Variants in KCNT1 observed in about 807,000 individuals in gnomAD.
KCNT1 encodes the protein potassium channel subfamily T member 1.
A neutral mutation model predicts 147.8 loss-of-function variants in KCNT1; 78 were observed. The observed-to-expected ratio is 0.53, with a 90% confidence interval of 0.44 to 0.64. The LOEUF is 0.64. Among genes scored for constraint, KCNT1 ranks in the 30% least tolerant of loss-of-function variants. The pLI, the probability that KCNT1 is intolerant of heterozygous loss-of-function variation, is 0.00. For synonymous variants in KCNT1, 867 were observed against 748.8 expected, an observed-to-expected ratio of 1.16 and a Z score of -2.58; for missense variants, 1,419 against 1,750.3, an observed-to-expected ratio of 0.81 and a Z score of 3.38.
At position 135,785,149 on chromosome 9, in the gene KCNT1, G is replaced by C. The variant is rs547646357; in HGVS notation, c.3157-161G>C. ...ACCGGGGGCAGAGAGGCTCAGGGGA[G>C]TCTTCAGGAAGAATACGGGCAGCCC... On this transcript the variant is annotated intron_variant, in intron 27 of 30. Transcript: ENST00000371757. Among the ~76,000 whole-genome samples, 13 of 152,282 alleles carry C rather than the reference G, an allele frequency of 8.5e-5. No homozygotes were observed. The South Asian group carries it at 2.7e-3, about 32-fold the overall frequency.
intron 25 of KCNT1, among the ~76,000 whole-genome samples, 178 bp from the exon 26 acceptor site, chr9:135,784,357 C>T (rs1833848213): frequency 6.6e-6 from 1 of 152,150 alleles, no homozygotes; most frequent in Non-Finnish European, 1.5e-5. Flanking sequence ...AGAACTCTGC[C>T]TGTGGGTCAT....
In KCNT1 at chr9:135,770,364, C is replaced by G. The variant is rs760141025; in HGVS notation, c.1686C>G (p.Tyr562Ter). Residue 562 changes from tyrosine to a stop codon, truncating the protein, a stop_gained, in exon 17 of 31, where the codon TAC becomes TAG. Coordinates refer to ENST00000371757, the MANE Select transcript of KCNT1 (RefSeq NM_020822.3). LOFTEE classifies it high-confidence loss of function. ...MYGRCSGNEV[Y>*]HIRMGDSKFF... ...GGCGCTGCTCCGGCAACGAGGTGTA[C>G]CACATCCGCATGGGTGACAGCAAGT... The G allele has an allele frequency of 6.2e-7, 1 of 1,613,146 alleles. No individual in the cohort carries two copies. The highest frequency in any genetic ancestry group is 8.5e-7 in the Non-Finnish European group (1 of 1,179,762).
intron 24 of KCNT1, among the ~76,000 whole-genome samples, chr9:135,783,168 C>G (rs139793633): frequency 6.6e-6 from 1 of 152,356 alleles, no homozygotes; most frequent in Non-Finnish European, 1.5e-5. Flanking sequence ...TACCGCCTCA[C>G]GTGACAGAAG....
At chr9:135,769,866 CT>C (rs1260681890) in intron 15 of KCNT1, 80 bp from the exon 16 acceptor site, 8 of 1,044,870 alleles carry the variant, frequency 7.7e-6, no homozygotes, top group Non-Finnish European at 1.1e-5. Context: ...TGCATAGCAC[CT>C]TCAGGAAGTG....
chr9:135,763,060 CGAGGCAGGGAGGAAGGCG>C (rs1056200415), intron 11 of KCNT1, among the ~76,000 whole-genome samples: 13 of 152,198 alleles, frequency 8.5e-5, no homozygotes, highest in African/African-American at 3.1e-4. Flanking sequence ...AAGCTCTGAG[CGAGGCAGGGAGGAAGGCG>C]GGGGCAGGGC....
chr9:135,716,283 C>G (rs773029121), intron 2 of KCNT1, among the ~76,000 whole-genome samples: 5 of 152,090 alleles, frequency 3.3e-5, no homozygotes, highest in Non-Finnish European at 7.4e-5. Context: ...CCAGATGACT[C>G]GATAACGCCT....
chr9:135,785,195 CAGCAGGCACCGTGCCCACCAGCCCTA>C (rs908806893), intron 27 of KCNT1, 89 bp from the exon 28 acceptor site: 809 of 1,473,800 alleles, frequency 5.5e-4, no homozygotes, highest in Non-Finnish European at 6.7e-4. Context: ...GTCCACACAG[CAGCAGGCACCGTGCCCACCAGCCCTA>C]AGCATGTTCC....
At chr9:135,734,496 T>C (rs958958913) in intron 2 of KCNT1, among the ~76,000 whole-genome samples, 9 of 152,318 alleles carry the variant, frequency 5.9e-5, no homozygotes, top group Admixed American at 5.9e-4. Flanking sequence ...CAGCAGCAAG[T>C]TGCGAAGATC....
At chr9:135,702,533 G>A (rs1588239266) in intron 1 of KCNT1, among the ~76,000 whole-genome samples, 165 bp downstream of exon 1, 1 of 152,126 alleles carries the variant, frequency 6.6e-6, no homozygotes, top group South Asian at 2.1e-4. Flanking sequence ...GAACAGGGGC[G>A]CCCCTCAGGG....
At position 135,772,244 on chromosome 9, in the gene KCNT1, C is replaced by G. The variant is rs559160008; in HGVS notation, c.2009-471C>G. 1.3e-4 allele frequency among the ~76,000 whole-genome samples: 20 copies of G among 152,290 alleles called. No individual in the cohort carries two copies. In the East Asian group the frequency reaches 3.9e-3, roughly 29 times the overall value. On this transcript the variant is annotated intron_variant, in intron 18 of 30. Transcript: ENST00000371757. ...AACCCTCACTGTACCCACAGAGGCC[C>G]TGGGCCATACCTAGAGGTCCACAAC...
intron 11 of KCNT1, among the ~76,000 whole-genome samples, chr9:135,763,103 AC>A (rs1832023245): frequency 6.6e-6 from 1 of 151,982 alleles, no homozygotes; most frequent in Non-Finnish European, 1.5e-5. Context: ...GGGCTGGCGC[AC>A]CCTCCCTCCC....
intron 1 of KCNT1, among the ~76,000 whole-genome samples, chr9:135,710,249 C>CT (rs1030886441): frequency 1.3e-5 from 2 of 152,182 alleles, no homozygotes; most frequent in Non-Finnish European, 2.9e-5. Flanking sequence ...TTCTTTCCAT[C>CT]TTGTCCTTGG....
At chr9:135,725,326 GATT>G (rs1836090713) in intron 2 of KCNT1, among the ~76,000 whole-genome samples, 2 of 152,232 alleles carry the variant, frequency 1.3e-5, no homozygotes, top group Admixed American at 6.5e-5. Context: ...TTGCAGATGT[GATT>G]AGTTGAGGAT....
chr9:135,716,735 T>C (rs1377382032), intron 2 of KCNT1, among the ~76,000 whole-genome samples: 1 of 152,118 alleles, frequency 6.6e-6, no homozygotes, highest in Non-Finnish European at 1.5e-5. Flanking sequence ...CTGTGTGTGC[T>C]AGCTAGTGCG....
intron 28 of KCNT1, chr9:135,785,758 C>T: frequency 2.3e-6 from 1 of 440,370 alleles, no homozygotes; most frequent in East Asian, 4.8e-5. Flanking sequence ...AGGTTCGGGG[C>T]CTCCAAAGGG....
chr9:135,786,083 C>T (rs1385821721), intron 28 of KCNT1, 114 bp from the exon 29 acceptor site: 2 of 911,982 alleles, frequency 2.2e-6, no homozygotes, highest in East Asian at 2.7e-5. Context: ...CAGCTGCTCC[C>T]ACGCAGGCCC....
intron 1 of KCNT1, among the ~76,000 whole-genome samples, chr9:135,711,038 C>T (rs879935196): frequency 5.3e-5 from 8 of 152,186 alleles, no homozygotes; most frequent in Non-Finnish European, 1.2e-4. Context: ...TACTAGGTTC[C>T]GTATTTGCTC....
At chr9:135,770,664 G>A (rs536108274) in intron 17 of KCNT1, among the ~76,000 whole-genome samples, 193 bp from the exon 18 acceptor site, 2 of 152,322 alleles carry the variant, frequency 1.3e-5, no homozygotes, top group East Asian at 3.9e-4. Flanking sequence ...AGGCTTGTGG[G>A]CTGACCCCAG....
chr9:135,772,002 G>A (rs1193209534), intron 18 of KCNT1, among the ~76,000 whole-genome samples: 4 of 152,202 alleles, frequency 2.6e-5, no homozygotes, highest in African/African-American at 4.8e-5. Context: ...AAGACCCAGA[G>A]GGCCCTGGGG....
Sources: allele counts gnomAD v4.1 joint callset (sites outside exome capture counted in the v4.1 genomes callset), GRCh38; gene constraint gnomAD v4.1.1; transcripts MANE v1.5; gene names NCBI Gene and HGNC (gene_info 2026-07-23, HGNC 2026-07-21).